PLCE1: variants seen among roughly 807,000 people sequenced by gnomAD.
PLCE1 encodes 1-phosphatidylinositol 4,5-bisphosphate phosphodiesterase epsilon-1.
PLCE1 carries 119 observed loss-of-function variants against 242.8 expected under a neutral mutation model. That is an observed-to-expected ratio of 0.49 (90% confidence interval 0.42 to 0.57). PLCE1 has a LOEUF of 0.57. Among genes scored for constraint, PLCE1 ranks in the 20% least tolerant of loss-of-function variants. The probability of loss-of-function intolerance (pLI) is 0.00; values close to 1 mark genes in which losing one functional copy is unlikely to be tolerated. For synonymous variants in PLCE1, 945 were observed against 1,017.4 expected (o/e 0.93, Z 1.35); for missense variants, 2,441 against 2,788.8 (o/e 0.88, Z 2.81).
At chr10:94,316,352 T>C (rs2053572047) in intron 28 of PLCE1, among the ~76,000 whole-genome samples, 195 bp from the exon 29 acceptor site, 1 of 152,218 alleles carries the variant, frequency 6.6e-6, no homozygotes, top group Non-Finnish European at 1.5e-5. Context: ...GAATAAGTTG[T>C]GCCGTTGCCC....
At chr10:93,995,351 C>T (rs1564613166) in intron 1 of PLCE1, among the ~76,000 whole-genome samples, 1 of 152,218 alleles carries the variant, frequency 6.6e-6, no homozygotes, top group Non-Finnish European at 1.5e-5. Flanking sequence ...GTCTAACCAT[C>T]CTTCAAACTG....
At chr10:94,109,889 A>C (rs547071447) in intron 2 of PLCE1, among the ~76,000 whole-genome samples, 16 of 149,588 alleles carry the variant, frequency 1.1e-4, no homozygotes, top group African/African-American at 3.7e-4. Flanking sequence ...GATGTTCCTC[A>C]GACAAAGACT....
At chr10:94,098,759 T>C (rs2045408646) in intron 2 of PLCE1, among the ~76,000 whole-genome samples, 1 of 152,248 alleles carries the variant, frequency 6.6e-6, no homozygotes, top group Non-Finnish European at 1.5e-5. Flanking sequence ...CTTGAGTTAC[T>C]GTTTGAGGCT....
intron 2 of PLCE1, among the ~76,000 whole-genome samples, chr10:94,046,061 G>C (rs1428069826): frequency 6.6e-6 from 1 of 151,908 alleles, no homozygotes; most frequent in East Asian, 1.9e-4. Flanking sequence ...GGCTGATCCT[G>C]TCTTCATTTC....
chr10:94,281,850 C>T (rs77478814), intron 20 of PLCE1, among the ~76,000 whole-genome samples: 3 of 151,894 alleles, frequency 2.0e-5, no homozygotes, highest in East Asian at 1.9e-4. Flanking sequence ...TTAAGGCTTC[C>T]GTATGTGACT....
intron 1 of PLCE1, among the ~76,000 whole-genome samples, chr10:94,012,451 G>A (rs1449067252): frequency 6.6e-6 from 1 of 151,924 alleles, no homozygotes; most frequent in Non-Finnish European, 1.5e-5. Context: ...GAGGGGTAAG[G>A]CTTAGGGAAA....
chr10:94,177,212 G>A (rs139415844), intron 4 of PLCE1, among the ~76,000 whole-genome samples: 2 of 152,238 alleles, frequency 1.3e-5, no homozygotes, highest in African/African-American at 2.4e-5. Flanking sequence ...CTCAAAGTAC[G>A]ACCATGAAAT....
intron 2 of PLCE1, chr10:94,096,960 CT>C (rs894116288): frequency 6.6e-6 from 1 of 152,174 alleles, no homozygotes; most frequent in African/African-American, 2.4e-5. Flanking sequence ...ACTTTCTATA[CT>C]TAGGTAATAA....
intron 3 of PLCE1, 143 bp from the exon 4 acceptor site, chr10:94,171,037 A>G (rs2047957773): frequency 2.7e-6 from 2 of 731,922 alleles, no homozygotes; most frequent in Admixed American, 2.3e-5. Flanking sequence ...AGGTCTTTGT[A>G]AAAAGAAAAA....
At position 94,298,570 on chromosome 10, in the gene PLCE1, A is replaced by C; in HGVS notation, c.5359A>C (p.Thr1787Pro). 6.2e-7 allele frequency: 1 copy of C among 1,614,076 alleles called. No individual in the cohort carries two copies. Among genetic ancestry groups the C allele is most frequent in the Non-Finnish European group, 8.5e-7 (1 of 1,180,008 alleles). ...GCACACCGCCTGTCAGCTGCTGAGA[A>C]CTTACCCTGCTGCCACCCGCATCGA... ...TQHTACQLLR[T>P]YPAATRIDSS... Residue 1787 changes from threonine (T) to proline (P), a missense_variant, in exon 24 of 33, where the codon ACT becomes CCT. Thr to Pro is a conservative substitution (Grantham distance 38, BLOSUM62 -1). Coordinates refer to ENST00000371380, the MANE Select transcript of PLCE1 (RefSeq NM_016341.4). This position sits in a 1 kb window ranked among gnomAD's most constrained non-coding sequence, Gnocchi z 5.2.
intron 2 of PLCE1, among the ~76,000 whole-genome samples, chr10:94,066,069 C>G (rs1297675285): frequency 6.6e-6 from 1 of 152,062 alleles, no homozygotes; most frequent in East Asian, 1.9e-4. Flanking sequence ...AATCTATACT[C>G]TCAGGGGGAG....
chr10:94,322,154 T>G, intron 30 of PLCE1, 95 bp downstream of exon 30: 1 of 1,197,280 alleles, frequency 8.4e-7, no homozygotes, highest in Non-Finnish European at 1.2e-6. Flanking sequence ...ATGAGTGAAG[T>G]TCCTCAACAA....
At chr10:93,996,488 T>C (rs969466298) in intron 1 of PLCE1, among the ~76,000 whole-genome samples, 4 of 152,118 alleles carry the variant, frequency 2.6e-5, no homozygotes, top group Non-Finnish European at 5.9e-5. Flanking sequence ...GATTTAGTTA[T>C]GTAAGGCCCA....
Position 94,316,749 on chromosome 10 carries a change from AGC to A in PLCE1, c.6336_6337del (p.Gln2113GlyfsTer12). 6.2e-7 allele frequency: 1 copy of A among 1,612,318 alleles called. No homozygotes were observed. Among genetic ancestry groups the A allele is most frequent in the Non-Finnish European group, 8.5e-7 (1 of 1,178,306 alleles). On this transcript the variant is annotated frameshift_variant, in exon 29 of 33. Transcript: ENST00000371380. LOFTEE classifies it high-confidence loss of function. ...ATGGGCAGGATTGTCTTAAAAACCC[AGC>A]AGGAAGTAAGTGTGTCTGGGTGCAG...
At chr10:94,175,213 A>G (rs979029605) in intron 4 of PLCE1, among the ~76,000 whole-genome samples, 6 of 152,132 alleles carry the variant, frequency 3.9e-5, no homozygotes, top group African/African-American at 1.4e-4. Flanking sequence ...GTAAAACCTG[A>G]CTTGCTAATT....
intron 8 of PLCE1, among the ~76,000 whole-genome samples, chr10:94,246,928 A>G (rs543383101): frequency 6.6e-6 from 1 of 152,150 alleles, no homozygotes; most frequent in Non-Finnish European, 1.5e-5. Context: ...CCTGGCCAAC[A>G]TGGTGAAACC....
chr10:94,226,828 G>GGT (rs2049956243), intron 4 of PLCE1, among the ~76,000 whole-genome samples: 1 of 118,754 alleles, frequency 8.4e-6, no homozygotes, highest in African/African-American at 3.2e-5. Flanking sequence ...AGGACCTATA[G>GGT]GTCTTTTTTT....
chr10:94,101,485 C>T (rs575898550), intron 2 of PLCE1, among the ~76,000 whole-genome samples: 3 of 152,202 alleles, frequency 2.0e-5, no homozygotes, highest in African/African-American at 7.2e-5. Context: ...TATGGCAATT[C>T]TAGTCTACAC....
chr10:94,021,123 G>A (rs1029811991), intron 1 of PLCE1, among the ~76,000 whole-genome samples: 6 of 151,956 alleles, frequency 3.9e-5, no homozygotes, highest in South Asian at 2.1e-4. Flanking sequence ...GAGCCACTGC[G>A]CCTGGCCAAT....
Sources: gnomAD v4.1 joint callset for allele counts (sites outside exome capture counted in the v4.1 genomes callset) on GRCh38, gnomAD v4.1.1 for gene constraint, Gnocchi (gnomAD v3.1) non-coding constraint, MANE v1.5 for transcripts, NCBI Gene and HGNC (gene_info 2026-07-23, HGNC 2026-07-21) for gene names.